The following WDR27 variants were observed in gnomAD, a reference collection of about 807,000 sequenced individuals.
The protein encoded by WDR27 is WD repeat-containing protein 27.
Under a neutral mutation model 114.4 loss-of-function variants are expected in WDR27, and 100 were observed. The ratio of observed to expected loss-of-function variants is 0.87; its 90% CI spans 0.74 to 1.03. The LOEUF (loss-of-function observed/expected upper bound fraction) is 1.03, where lower values mean the gene tolerates loss of function less well. Ranked by LOEUF, WDR27 falls within the 50% of genes least tolerant of loss-of-function variation. WDR27 has a pLI of 0.00. For synonymous variants in WDR27, 449 were observed against 423.1 expected, an observed-to-expected ratio of 1.06 and a Z score of -0.75; for missense variants, 1,129 against 1,092.9, an observed-to-expected ratio of 1.03 and a Z score of -0.47.
At chr6:169,575,882 T>C (rs1802247481) in intron 24 of WDR27, among the ~76,000 whole-genome samples, 1 of 152,206 alleles carries the variant, frequency 6.6e-6, no homozygotes, top group South Asian at 2.1e-4. Flanking sequence ...ATTTTAAGGT[T>C]CAACAATTTC....
intron 25 of WDR27, among the ~76,000 whole-genome samples, chr6:169,562,935 C>G (rs1462537803): frequency 2.0e-5 from 3 of 152,104 alleles, no homozygotes; most frequent in Admixed American, 2.0e-4. Flanking sequence ...GAAGGAAATG[C>G]CTGGCCTGGC....
chr6:169,601,896 T>C (rs1584501423), intron 23 of WDR27, among the ~76,000 whole-genome samples: 2 of 152,340 alleles, frequency 1.3e-5, no homozygotes, highest in South Asian at 4.1e-4. Flanking sequence ...GGATCTGGTG[T>C]TTCACTAATT....
intron 24 of WDR27, among the ~76,000 whole-genome samples, chr6:169,582,574 A>G (rs954131857): frequency 3.3e-5 from 5 of 152,104 alleles, no homozygotes; most frequent in Non-Finnish European, 5.9e-5. Flanking sequence ...GTTTCATTCA[A>G]TCAAACATGC....
In WDR27 at chr6:169,684,136, G is replaced by A. The variant is rs1166504110; in HGVS notation, c.189+4681C>T. On this transcript the variant is annotated intron_variant, in intron 2 of 25. Coordinates refer to ENST00000448612, the MANE Select transcript of WDR27 (RefSeq NM_182552.5). The surrounding 1 kb of genome is among the most constrained non-coding windows in gnomAD (Gnocchi z 4.3). ...CTGTTGAGACTGGCCCTGCACAACA[G>A]AGAAACCAACCCTCGCCACTGCACT... Among the ~76,000 whole-genome samples, 1 of 152,180 alleles carries A rather than the reference G, an allele frequency of 6.6e-6. No homozygotes were observed. Among genetic ancestry groups the A allele is most frequent in the East Asian group, 1.9e-4 (1 of 5,150 alleles).
At chr6:169,500,101 A>G (rs114108179) in intron 25 of WDR27, among the ~76,000 whole-genome samples, 55 of 152,346 alleles carry the variant, frequency 3.6e-4, no homozygotes, top group African/African-American at 1.3e-3. Flanking sequence ...GTGGAGCGCT[A>G]CTCAGTATAA....
chr6:169,698,850 G>C (rs971886779), intron 1 of WDR27, among the ~76,000 whole-genome samples: 2 of 152,236 alleles, frequency 1.3e-5, no homozygotes, highest in Non-Finnish European at 2.9e-5. Context: ...AGGACACCAG[G>C]CTGGACTGTT....
chr6:169,560,809 C>A (rs1293267121), intron 25 of WDR27, among the ~76,000 whole-genome samples: 1 of 152,190 alleles, frequency 6.6e-6, no homozygotes, highest in African/African-American at 2.4e-5. Context: ...ACGCCCCTCA[C>A]AGAGTGTCAC....
intron 25 of WDR27, among the ~76,000 whole-genome samples, chr6:169,551,362 T>C (rs1175003424): frequency 6.6e-6 from 1 of 152,160 alleles, no homozygotes; most frequent in Non-Finnish European, 1.5e-5. Context: ...TCACAGAACT[T>C]ACCACTATCT....
chr6:169,454,973 G>A (rs2115235226), downstream of WDR27, among the ~76,000 whole-genome samples: 1 of 152,344 alleles, frequency 6.6e-6, no homozygotes, highest in East Asian at 1.9e-4. Flanking sequence ...AAGCTGTCCT[G>A]GGGCATGGGT....
intron 25 of WDR27, among the ~76,000 whole-genome samples, chr6:169,475,977 T>TA (rs1787093715): frequency 2.0e-5 from 3 of 152,218 alleles, no homozygotes; most frequent in African/African-American, 7.2e-5. Context: ...AGAATTGACA[T>TA]TTTTATAACA....
chr6:169,479,864 T>C (rs1787712488), intron 25 of WDR27, among the ~76,000 whole-genome samples: 2 of 152,236 alleles, frequency 1.3e-5, no homozygotes, highest in Admixed American at 1.3e-4. Context: ...TCCCTCCTTC[T>C]GAGAGGTGAC....
At chr6:169,672,695 A>C (rs1779061077) in intron 2 of WDR27, among the ~76,000 whole-genome samples, 1 of 152,172 alleles carries the variant, frequency 6.6e-6, no homozygotes, top group South Asian at 2.1e-4. Flanking sequence ...ACCACATGCC[A>C]GAAGAGGTAA....
chr6:169,613,800 A>G lies in WDR27; in HGVS notation c.2224-144T>C. The G allele has an allele frequency of 5.9e-6, 4 of 681,314 alleles. No homozygotes were observed. In the South Asian group the frequency reaches 8.4e-5, roughly 14 times the overall value. The allele number at this position is 681,314 out of a possible 1,614,324, so 42.2% of individuals were successfully genotyped here. On this transcript the variant is annotated intron_variant, in intron 21 of 25. Transcript: ENST00000448612. Reference sequence around the variant, plus strand: ...TTACTTGTAACAATTTCAGAATTGGACTCCAAAAACTTCTACATAAAGTAG... The same window carrying G: ...TTACTTGTAACAATTTCAGAATTGGGCTCCAAAAACTTCTACATAAAGTAG...
At chr6:169,483,258 A>G (rs1788439910) in intron 25 of WDR27, among the ~76,000 whole-genome samples, 1 of 152,198 alleles carries the variant, frequency 6.6e-6, no homozygotes, top group Non-Finnish European at 1.5e-5. Flanking sequence ...GTTTTTTGAA[A>G]AAATTAGTAA....
In WDR27 at chr6:169,489,122, C is replaced by T. The variant is rs376382286; in HGVS notation, c.2646-31488G>A. Among the ~76,000 whole-genome samples, 52 of 152,126 alleles carry T rather than the reference C, an allele frequency of 3.4e-4. 1 individual carries two copies. The highest frequency in any genetic ancestry group is 3.3e-3 in the South Asian group (16 of 4,814). ...CCCTGGTGCAGATGCAGAGATGTTCCGTTCATTCGTGCAAAGTCAAGGAGC... is the reference window on the plus strand; with the variant it reads ...CCCTGGTGCAGATGCAGAGATGTTCTGTTCATTCGTGCAAAGTCAAGGAGC... On this transcript the variant is annotated intron_variant, in intron 25 of 25. Coordinates refer to ENST00000448612, the MANE Select transcript of WDR27 (RefSeq NM_182552.5).
At position 169,623,978 on chromosome 6, in the gene WDR27, C is replaced by T. The variant is rs79069284; in HGVS notation, c.2223+8969G>A. On this transcript the variant is annotated intron_variant, in intron 21 of 25. Coordinates refer to ENST00000448612, the MANE Select transcript of WDR27 (RefSeq NM_182552.5). ...AAACCAGCTAACAGGCAGCCACCCA[C>T]GAGGCGAGGTGAACACCAGACACAG... 1.0e-2 allele frequency among the ~76,000 whole-genome samples: 1,517 copies of T among 152,286 alleles called. 35 individuals carry two copies. Among genetic ancestry groups the T allele is most frequent in the African/African-American group, 0.035 (1,467 of 41,548 alleles).
intron 25 of WDR27, among the ~76,000 whole-genome samples, chr6:169,502,060 G>A (rs1015369890): frequency 2.6e-5 from 4 of 152,196 alleles, no homozygotes; most frequent in African/African-American, 4.8e-5. Flanking sequence ...GGAGCCGCAC[G>A]CACCACCTCC....
intron 24 of WDR27, 133 bp downstream of exon 24, chr6:169,582,703 T>C (rs1263005913): frequency 1.7e-6 from 1 of 604,872 alleles, no homozygotes; most frequent in Non-Finnish European, 2.9e-6. Flanking sequence ...TAAGTTCTCC[T>C]TGCACTCAGT....
At chr6:169,565,149 A>G (rs1534959) in intron 25 of WDR27, among the ~76,000 whole-genome samples, 89,844 of 152,050 alleles carry the variant, frequency 0.59, 29,281 homozygotes, top group Non-Finnish European at 0.72. Flanking sequence ...CCAGCACGGG[A>G]TAGAAACTGC....
Sources: allele counts gnomAD v4.1 joint callset (sites outside exome capture counted in the v4.1 genomes callset), GRCh38; gene constraint gnomAD v4.1.1; non-coding constraint Gnocchi (gnomAD v3.1); transcripts MANE v1.5; gene names NCBI Gene and HGNC (gene_info 2026-07-23, HGNC 2026-07-21).